The following LRRC4C variants were observed in gnomAD, a reference collection of about 807,000 sequenced individuals.
LRRC4C encodes leucine-rich repeat-containing protein 4C.
Under a neutral mutation model 33.6 loss-of-function variants are expected in LRRC4C, and 5 were observed. That is an observed-to-expected ratio of 0.15 (90% CI 0.08 to 0.31). The LOEUF (loss-of-function observed/expected upper bound fraction) is 0.31. Among genes scored for constraint, LRRC4C ranks in the 10% least tolerant of loss-of-function variants. The pLI is 1.00. For synonymous variants in LRRC4C, 329 were observed against 302.0 expected (o/e 1.09, Z -0.93); for missense variants, 560 against 796.7 (o/e 0.70, Z 3.58).
intron 2 of LRRC4C, among the ~76,000 whole-genome samples, chr11:40,829,066 A>G (rs2135530396): frequency 6.6e-6 from 1 of 152,050 alleles, no homozygotes; most frequent in East Asian, 1.9e-4. Flanking sequence ...CGGCTACCTG[A>G]TGCCCAGTAA....
At chr11:40,465,612 AT>A (rs1952613785) in intron 3 of LRRC4C, among the ~76,000 whole-genome samples, 2 of 152,074 alleles carry the variant, frequency 1.3e-5, no homozygotes, top group Admixed American at 6.6e-5. Flanking sequence ...AGAAAAAAAA[AT>A]AACCCCATCA....
intron 3 of LRRC4C, among the ~76,000 whole-genome samples, chr11:40,493,641 C>G (rs1954275260): frequency 6.6e-6 from 1 of 152,106 alleles, no homozygotes; most frequent in Non-Finnish European, 1.5e-5. Context: ...AAATTCTTAG[C>G]TTGATAAACT....
At chr11:41,250,051 C>T (rs1044048359) in intron 1 of LRRC4C, among the ~76,000 whole-genome samples, 2 of 151,980 alleles carry the variant, frequency 1.3e-5, no homozygotes, top group East Asian at 1.9e-4. Flanking sequence ...CGCCTGTAAT[C>T]CCAGCTACTT....
intron 5 of LRRC4C, among the ~76,000 whole-genome samples, chr11:40,149,324 G>A (rs1858000051): frequency 6.6e-6 from 1 of 152,132 alleles, no homozygotes; most frequent in Admixed American, 6.5e-5. Context: ...ATGAGCATGG[G>A]ATGTTTTCCC....
Position 40,271,983 on chromosome 11 carries a change from A to C in LRRC4C, c.-175-30385T>G, listed in dbSNP as rs983581857. Reference sequence around the variant, plus strand: ...TCTATGTTCCTTTTGGTTCTATCTGAAAGTCAGTGCTATAAAATACCATGA... The same window carrying C: ...TCTATGTTCCTTTTGGTTCTATCTGCAAGTCAGTGCTATAAAATACCATGA... On this transcript the variant is annotated intron_variant, in intron 4 of 6. Coordinates refer to ENST00000528697, the MANE Select transcript of LRRC4C (RefSeq NM_001258419.2). Among the ~76,000 whole-genome samples, 4 of 152,150 alleles carry C rather than the reference A, an allele frequency of 2.6e-5. No individual in the cohort carries two copies. In the South Asian group the frequency reaches 6.2e-4, roughly 24 times the overall value.
At chr11:40,141,603 G>A (rs1857371912) in intron 5 of LRRC4C, among the ~76,000 whole-genome samples, 1 of 152,188 alleles carries the variant, frequency 6.6e-6, no homozygotes, top group African/African-American at 2.4e-5. Flanking sequence ...CAGATAGAAA[G>A]ATCCCTCACA....
chr11:40,816,963 G>C (rs1160429348), intron 2 of LRRC4C, among the ~76,000 whole-genome samples: 1 of 152,092 alleles, frequency 6.6e-6, no homozygotes, highest in African/African-American at 2.4e-5. Flanking sequence ...GGTATTCCTG[G>C]ATGGAACACA....
intron 1 of LRRC4C, among the ~76,000 whole-genome samples, chr11:41,029,323 A>G (rs1856576024): frequency 6.6e-6 from 1 of 151,762 alleles, no homozygotes; most frequent in South Asian, 2.1e-4. Flanking sequence ...GGCTTATACA[A>G]GCACAACACC....
At chr11:41,455,204 T>TATTTATATA (rs1027526609) in intron 1 of LRRC4C, among the ~76,000 whole-genome samples, 6 of 152,122 alleles carry the variant, frequency 3.9e-5, no homozygotes, top group Admixed American at 3.3e-4. Context: ...ATGTATATTT[T>TATTTATATA]ATTTATATAA....
chr11:40,637,786 A>C (rs563426255), intron 3 of LRRC4C, among the ~76,000 whole-genome samples: 1 of 152,310 alleles, frequency 6.6e-6, no homozygotes, highest in African/African-American at 2.4e-5. Context: ...ATAGTCTGCT[A>C]ATTGTTCTCC....
At chr11:41,165,962 C>T (rs139515686) in intron 1 of LRRC4C, among the ~76,000 whole-genome samples, 39 of 151,024 alleles carry the variant, frequency 2.6e-4, no homozygotes, top group African/African-American at 8.0e-4. Context: ...ACCCAGGAGG[C>T]GGAGGTTGCA....
intron 3 of LRRC4C, among the ~76,000 whole-genome samples, chr11:40,632,589 A>T (rs1349594670): frequency 6.6e-6 from 1 of 152,242 alleles, no homozygotes; most frequent in African/African-American, 2.4e-5. Flanking sequence ...CTGCATTTTA[A>T]ATGTAGCTTT....
intron 4 of LRRC4C, among the ~76,000 whole-genome samples, chr11:40,270,613 C>T (rs913633193): frequency 6.6e-6 from 1 of 151,922 alleles, no homozygotes; most frequent in African/African-American, 2.4e-5. Context: ...GAAAATTATC[C>T]TCTTCTATTT....
chr11:40,648,914 C>G (rs900446828), intron 2 of LRRC4C, among the ~76,000 whole-genome samples: 1 of 152,078 alleles, frequency 6.6e-6, no homozygotes, highest in Non-Finnish European at 1.5e-5. Context: ...TCGGTAGCAC[C>G]GTGATGCCCA....
chr11:40,434,367 T>C (rs1951056889), intron 3 of LRRC4C, among the ~76,000 whole-genome samples: 1 of 152,230 alleles, frequency 6.6e-6, no homozygotes, highest in African/African-American at 2.4e-5. Context: ...AGCTGTATTC[T>C]TCTGCTATCT....
At chr11:41,215,723 A>G (rs1330473289) in intron 1 of LRRC4C, among the ~76,000 whole-genome samples, 2 of 152,082 alleles carry the variant, frequency 1.3e-5, no homozygotes, top group African/African-American at 4.8e-5. Context: ...TTTCTATTGT[A>G]TAGATGTATC....
intron 1 of LRRC4C, among the ~76,000 whole-genome samples, chr11:41,215,641 CT>C (rs1947028713): frequency 6.6e-6 from 1 of 152,020 alleles, no homozygotes; most frequent in Non-Finnish European, 1.5e-5. Context: ...AATATGTAGC[CT>C]TTTGTCTCTG....
chr11:40,566,488 G>A (rs1316552798), intron 3 of LRRC4C, among the ~76,000 whole-genome samples: 1 of 151,924 alleles, frequency 6.6e-6, no homozygotes, highest in East Asian at 1.9e-4. Flanking sequence ...ACAAATTATA[G>A]AATAGTTACT....
intron 3 of LRRC4C, among the ~76,000 whole-genome samples, chr11:40,640,764 C>T (rs558101151): frequency 6.6e-6 from 1 of 152,142 alleles, no homozygotes; most frequent in East Asian, 1.9e-4. Context: ...CCTGTAATCC[C>T]AGCACTTTGG....
Sources: gnomAD v4.1 joint callset for allele counts (sites outside exome capture counted in the v4.1 genomes callset) on GRCh38, gnomAD v4.1.1 for gene constraint, MANE v1.5 for transcripts, NCBI Gene and HGNC (gene_info 2026-07-23, HGNC 2026-07-21) for gene names.